Variants in KCNC4 observed in about 807,000 individuals in gnomAD.
KCNC4 encodes the protein voltage-gated potassium channel KCNC4.
KCNC4 carries 23 observed loss-of-function variants against 42.8 expected under a neutral mutation model. That is an observed-to-expected ratio of 0.54 (90% CI 0.39 to 0.76). The LOEUF (loss-of-function observed/expected upper bound fraction) is 0.76, where lower values mean the gene tolerates loss of function less well. KCNC4 is among the 30% of genes least tolerant of loss of function. The pLI, the probability that KCNC4 is intolerant of heterozygous loss-of-function variation, is 0.00. For missense variants in KCNC4, 751 were observed against 898.2 expected (o/e 0.84, Z 2.10); for synonymous variants, 422 against 393.5 (o/e 1.07, Z -0.86).
rs1212091418 is a variant in KCNC4 at position 110,210,480 on chromosome 1, G to T, written c.-1020G>T. Among the ~76,000 whole-genome samples, 1 of 151,376 alleles carries T rather than the reference G, an allele frequency of 6.6e-6. No individual in the cohort carries two copies. Among genetic ancestry groups the T allele is most frequent in the Admixed American group, 6.6e-5 (1 of 15,218 alleles). On this transcript the variant is annotated 5_prime_UTR_variant, in exon 1 of 4. It removes an upstream start codon present in the reference 5' UTR. Transcript: ENST00000438661. ...CCCGGAGATGGGCAGACGCGTAGAT[G>T]GCGTGGCTCCCAGCGCCGCCAGATC...
chr1:110,234,005 A>T lies in KCNC4; in HGVS notation c.*1033A>T, dbSNP rs564090782. 6.6e-6 allele frequency: 1 copy of T among 152,222 alleles called. No homozygotes were observed. The highest frequency in any genetic ancestry group is 6.5e-5 in the Admixed American group (1 of 15,278). 9.4% of individuals were successfully genotyped at this position (152,222 alleles called of 1,614,324 possible). A position where few individuals can be genotyped will look rare whatever the true frequency, so the allele number is the denominator to read the frequency against. ...ACTGTCATGCTGTGCTCGAGCCCCA[A>T]TAAAGACATCTGGAGCATCCTGCTG... is the stretch of plus-strand genomic sequence containing the variant. On this transcript the variant is annotated 3_prime_UTR_variant, in exon 4 of 4. Coordinates refer to ENST00000438661, the MANE Select transcript of KCNC4 (RefSeq NM_001039574.3).
At chr1:110,245,764 C>T (rs1033415028) in exon 4 of KCNC4, 1 of 152,288 alleles carries the variant, frequency 6.6e-6, no homozygotes, top group African/African-American at 2.4e-5. Context: ...CCTGAAGAAG[C>T]TTGCTCAGTG....
chr1:110,225,924 C>T, intron 2 of KCNC4, 51 bp from the exon 3 acceptor site: 1 of 1,503,452 alleles, frequency 6.7e-7, no homozygotes, highest in Non-Finnish European at 9.0e-7. Context: ...GACCCATGAG[C>T]AAGGCTCAGG....
In KCNC4 at chr1:110,211,219, G is replaced by A; in HGVS notation, c.-281G>A. 2 of 467,340 alleles carry A rather than the reference G, an allele frequency of 4.3e-6. No homozygotes were observed. The allele number at this position is 467,340 out of a possible 1,614,324, so 28.9% of individuals were successfully genotyped here. A position where few individuals can be genotyped will look rare whatever the true frequency, so the allele number is the denominator to read the frequency against. ...GTGTCCCGTCGTAGCGGGGGACCGC[G>A]TGTGTGCTTGCTTCTACTTCCCCGG... On this transcript the variant is annotated 5_prime_UTR_variant, in exon 1 of 4. It adds an upstream start codon to the 5' untranslated region. Coordinates refer to ENST00000438661, the MANE Select transcript of KCNC4 (RefSeq NM_001039574.3). This position sits in a 1 kb window ranked among gnomAD's most constrained non-coding sequence, Gnocchi z 6.5.
At chr1:110,231,848 A>G (rs1349220572) in intron 3 of KCNC4, among the ~76,000 whole-genome samples, 2 of 152,202 alleles carry the variant, frequency 1.3e-5, no homozygotes, top group African/African-American at 4.8e-5. Context: ...TGGAAACAGC[A>G]TCACCCCAAG....
chr1:110,248,453 G>T lies in KCNC4; in HGVS notation c.*16144G>T, dbSNP rs202240901. 1.5e-4 allele frequency: 23 copies of T among 148,792 alleles called. No homozygotes were observed. In the South Asian group the frequency reaches 4.4e-3, roughly 29 times the overall value. 9.2% of individuals were successfully genotyped at this position (148,792 alleles called of 1,614,324 possible). A position where few individuals can be genotyped will look rare whatever the true frequency, so the allele number is the denominator to read the frequency against. On this transcript the variant is annotated 3_prime_UTR_variant, in exon 4 of 4. Transcript: ENST00000369787. ...GGGTTTTGTTTTTGTTTTTGTTTTT[G>T]TTTTTTTTTGGCCTGTTAGAGATTC...
intron 1 of KCNC4, among the ~76,000 whole-genome samples, chr1:110,265,576 A>G (rs1175966784): frequency 1.3e-5 from 2 of 152,032 alleles, no homozygotes; most frequent in Non-Finnish European, 2.9e-5. Context: ...GGGCTGCTTG[A>G]GTTTCTTGCA....
Position 110,223,987 on chromosome 1 carries a change from A to G in KCNC4, c.1615+87A>G. The G allele has an allele frequency of 9.1e-7, 1 of 1,103,954 alleles. No homozygotes were observed. The allele number at this position is 1,103,954 out of a possible 1,614,324, so 68.4% of individuals were successfully genotyped here. On this transcript the variant is annotated intron_variant, in intron 2 of 3. Coordinates refer to ENST00000438661, the MANE Select transcript of KCNC4 (RefSeq NM_001039574.3). The surrounding 1 kb of genome is among the most constrained non-coding windows in gnomAD (Gnocchi z 7.5). ...TGGACCTCAGACCTTGGGATTTGGC[A>G]TGTGTTTTGTGTGGGGCTTCCCTAA... is the stretch of plus-strand genomic sequence containing the variant.
intron 3 of KCNC4, chr1:110,232,217 A>G (rs1323421339): frequency 6.2e-7 from 1 of 1,613,696 alleles, no homozygotes; most frequent in African/African-American, 1.3e-5. Flanking sequence ...CTCTCCTGAG[A>G]CAGGCACATT....
At chr1:110,227,671 G>A (rs2077402) in intron 3 of KCNC4, among the ~76,000 whole-genome samples, 24,204 of 152,220 alleles carry the variant, frequency 0.16, 2,196 homozygotes, top group South Asian at 0.39. Flanking sequence ...TGGCTGGACC[G>A]TGCTAAGCAG....
chr1:110,227,265 A>G (rs944226340), intron 3 of KCNC4, among the ~76,000 whole-genome samples: 10 of 152,134 alleles, frequency 6.6e-5, no homozygotes, highest in African/African-American at 2.2e-4. Context: ...TGTCCCTCTG[A>G]AGATGTCCCA....
At chr1:110,276,099 T>G (rs1279534247) in intron 1 of KCNC4, among the ~76,000 whole-genome samples, 1 of 151,942 alleles carries the variant, frequency 6.6e-6, no homozygotes. Context: ...AAATAATGTG[T>G]ACAGCTGGAC....
Position 110,232,854 on chromosome 1 carries a change from A to G in KCNC4, c.1820-57A>G, listed in dbSNP as rs560231827. 22 of 1,566,156 alleles carry G rather than the reference A, an allele frequency of 1.4e-5. No homozygotes were observed. The East Asian group carries it at 5.0e-4, about 36-fold the overall frequency. ...CCCTGTCCCCCCAACCCCAGAAGGC[A>G]ATGTTGAGCCGAAAGCGTGCGTCCC... On this transcript the variant is annotated intron_variant, in intron 3 of 3. Transcript: ENST00000438661.
intron 1 of KCNC4, 119 bp from the exon 2 acceptor site, chr1:110,222,845 T>C (rs372242680): frequency 2.1e-5 from 15 of 704,370 alleles, no homozygotes; most frequent in East Asian, 5.4e-5. Flanking sequence ...CATACGTTAA[T>C]CCCACCTCTC....
exon 4 of KCNC4, chr1:110,248,436 T>G (rs899009082): frequency 3.2e-5 from 3 of 93,144 alleles, no homozygotes; most frequent in South Asian, 3.5e-4. Flanking sequence ...TAGGGTTTTG[T>G]TTTTGTTTTT....
At chr1:110,268,610 G>GAAAAAAAA (rs1177241176) in intron 1 of KCNC4, among the ~76,000 whole-genome samples, 6 of 82,008 alleles carry the variant, frequency 7.3e-5, no homozygotes, top group Admixed American at 1.5e-4. Context: ...TGTCTCAAAA[G>GAAAAAAAA]AAAAAAAAAA....
rs148232559 is a variant in KCNC4, at chr1:110,212,475, C to T, written c.678+298C>T. Among the ~76,000 whole-genome samples the T allele has an allele frequency of 5.9e-3, 899 of 152,318 alleles. 11 individuals carry two copies. Among genetic ancestry groups the T allele is most frequent in the African/African-American group, 0.021 (854 of 41,562 alleles). On this transcript the variant is annotated intron_variant, in intron 1 of 3. Coordinates refer to ENST00000438661, the MANE Select transcript of KCNC4 (RefSeq NM_001039574.3). Reference sequence around the variant, plus strand: ...TGGGGTGCCCAGCTCAGCTCCTCCACCCCCTTCTTTGGTCTGCACAGGCTG... The same window carrying T: ...TGGGGTGCCCAGCTCAGCTCCTCCATCCCCTTCTTTGGTCTGCACAGGCTG...
intron 1 of KCNC4, among the ~76,000 whole-genome samples, chr1:110,265,484 A>C (rs1322064956): frequency 2.0e-5 from 3 of 152,188 alleles, no homozygotes; most frequent in Non-Finnish European, 4.4e-5. Flanking sequence ...GAGGGCTCCC[A>C]AAGGAGCTTT....
chr1:110,243,337 AG>A (rs1425523156), exon 4 of KCNC4: 1 of 152,296 alleles, frequency 6.6e-6, no homozygotes, highest in East Asian at 1.9e-4. Flanking sequence ...GCGACCCAGA[AG>A]TGGTGACACC....
Sources: gnomAD v4.1 joint callset for allele counts (sites outside exome capture counted in the v4.1 genomes callset) on GRCh38, gnomAD v4.1.1 for gene constraint, Gnocchi (gnomAD v3.1) non-coding constraint, MANE v1.5 for transcripts, NCBI Gene and HGNC (gene_info 2026-07-23, HGNC 2026-07-21) for gene names.